Variants in DNAJC16 observed in about 807,000 individuals in gnomAD.
The protein encoded by DNAJC16 is DnaJ heat shock protein family (Hsp40) member C16.
DNAJC16 carries 76 observed loss-of-function variants against 92.7 expected under a neutral mutation model. That is an observed-to-expected ratio of 0.82 (90% CI 0.68 to 0.99). The LOEUF (loss-of-function observed/expected upper bound fraction) is 0.99. Among genes scored for constraint, DNAJC16 ranks in the 50% least tolerant of loss-of-function variants. The pLI is 0.00. For synonymous variants in DNAJC16, 328 were observed against 358.7 expected (o/e 0.91, Z 0.97); for missense variants, 869 against 942.4 (o/e 0.92, Z 1.02).
Position 15,559,641 on chromosome 1 carries a change from C to G in DNAJC16, c.1139C>G (p.Ser380Trp), listed in dbSNP as rs779040358. ...CATGAACTCTGCCCTGTGAAACGGT[C>G]GCATCGACAGAGGAAGTAAGGACTT... is the stretch of plus-strand genomic sequence containing the variant. ...LFHELCPVKRSHRQRKYCVVL... is the reference protein window; with the variant it reads ...LFHELCPVKRWHRQRKYCVVL... Residue 380 changes from serine to tryptophan, a missense_variant, in exon 8 of 15, where the codon TCG becomes TGG. Coordinates refer to ENST00000375847, the MANE Select transcript of DNAJC16 (RefSeq NM_015291.4). The G allele has an allele frequency of 1.2e-6, 2 of 1,613,950 alleles. No individual in the cohort carries two copies. Among genetic ancestry groups the G allele is most frequent in the East Asian group, 4.5e-5 (2 of 44,878 alleles).
In DNAJC16 at chr1:15,568,248, C is replaced by T; in HGVS notation, c.*71C>T. Reference sequence around the variant, plus strand: ...CCCCTGTGAACAGGTATTTTCAGGACTCAAACTACCACAATGAACAGAGTA... The same window carrying T: ...CCCCTGTGAACAGGTATTTTCAGGATTCAAACTACCACAATGAACAGAGTA... On this transcript the variant is annotated 3_prime_UTR_variant, in exon 15 of 15. Coordinates refer to ENST00000375847, the MANE Select transcript of DNAJC16 (RefSeq NM_015291.4). 1.6e-6 allele frequency: 2 copies of T among 1,240,492 alleles called. No individual in the cohort carries two copies. The highest frequency in any genetic ancestry group is 2.3e-6 in the Non-Finnish European group (2 of 881,732). The allele number at this position is 1,240,492 out of a possible 1,614,324, so 76.8% of individuals were successfully genotyped here. A position where few individuals can be genotyped will look rare whatever the true frequency, so the allele number is the denominator to read the frequency against.
intron 9 of DNAJC16, among the ~76,000 whole-genome samples, chr1:15,563,255 G>A (rs528647664): frequency 6.6e-5 from 10 of 152,150 alleles, no homozygotes; most frequent in East Asian, 5.8e-4. Context: ...TAGGCCGAAC[G>A]CGGTGGCTCA....
In DNAJC16 at chr1:15,567,217, A is replaced by G. The variant is rs150076087; in HGVS notation, c.1897A>G (p.Thr633Ala). The G allele has an allele frequency of 1.9e-6, 3 of 1,614,182 alleles. No homozygotes were observed. The highest frequency in any genetic ancestry group is 1.7e-5 in the Admixed American group (1 of 60,016). ...TGTGGTCCTCATCCTGTCGAATTCT[A>G]CCAAGACCAGCCTACTACAGAAATT... ...MNVVLILSNSTKTSLLQKFAL... is the reference protein window; with the variant it reads ...MNVVLILSNSAKTSLLQKFAL... Residue 633 changes from threonine to alanine, a missense_variant, in exon 14 of 15, where the codon ACC (threonine) becomes GCC (alanine). Physicochemically the swap from Thr to Ala is moderately conservative, Grantham distance 58 (BLOSUM62 0). Transcript: ENST00000375847.
At position 15,536,807 on chromosome 1, in the gene DNAJC16, A is replaced by G. The variant is rs1047137176; in HGVS notation, c.567A>G (p.Glu189=). The change falls in exon 4 of 15, where the codon GAA becomes GAG. Residue 189 remains glutamate (E), a synonymous_variant. Coordinates refer to ENST00000375847, the MANE Select transcript of DNAJC16 (RefSeq NM_015291.4). ...GGAAAGAAGTCATTCAAGAACTGGA[A>G]GAATTGGGTAAGATAATTTTATTCA... ...PVWKEVIQEL[E]ELGVGIGVVH... is the part of the protein sequence containing the mutation. 3.1e-6 allele frequency: 5 copies of G among 1,592,730 alleles called. No individual in the cohort carries two copies. In the African/African-American group the frequency reaches 6.8e-5, roughly 22 times the overall value.
At chr1:15,538,729 A>G (rs944295514) in intron 4 of DNAJC16, among the ~76,000 whole-genome samples, 2 of 152,342 alleles carry the variant, frequency 1.3e-5, no homozygotes, top group Middle Eastern at 3.4e-3. Flanking sequence ...AAAACAAAAA[A>G]AAGACTAATT....
At chr1:15,533,701 C>G (rs556224970) in intron 2 of DNAJC16, among the ~76,000 whole-genome samples, 1 of 152,066 alleles carries the variant, frequency 6.6e-6, no homozygotes, top group Non-Finnish European at 1.5e-5. Context: ...GTAATAATAA[C>G]GAAAAATGTT....
At chr1:15,549,586 G>A (rs964115065) in intron 7 of DNAJC16, among the ~76,000 whole-genome samples, 7 of 151,770 alleles carry the variant, frequency 4.6e-5, no homozygotes, top group African/African-American at 1.7e-4. Flanking sequence ...AGGCCGAGGC[G>A]GGCAGATCAC....
chr1:15,541,802 G>T (rs1044952609), intron 4 of DNAJC16, among the ~76,000 whole-genome samples: 3 of 152,164 alleles, frequency 2.0e-5, no homozygotes, highest in South Asian at 2.1e-4. Context: ...TTTATAATAA[G>T]AAATATATGT....
rs570554511 is a variant in DNAJC16 at position 15,543,141 on chromosome 1, T to A, written c.575-1258T>A. The stretch of plus-strand genomic sequence containing the variant: ...AAGGGATCCCTATCTTCATGAGGCT[T>A]ACATTCTAGAAGGGGAGACAGACAA... On this transcript the variant is annotated intron_variant, in intron 4 of 14. Coordinates refer to ENST00000375847, the MANE Select transcript of DNAJC16 (RefSeq NM_015291.4). Among the ~76,000 whole-genome samples the A allele has an allele frequency of 2.0e-5, 3 of 152,306 alleles. No individual in the cohort carries two copies. The South Asian group carries it at 6.2e-4, about 32-fold the overall frequency.
chr1:15,536,914 G>C (rs1710804566), intron 4 of DNAJC16, 100 bp downstream of exon 4: 1 of 1,065,524 alleles, frequency 9.4e-7, no homozygotes, highest in African/African-American at 1.6e-5. Context: ...ACAGTGGTGT[G>C]ATCTCGGCTC....
At chr1:15,555,681 C>CAAA (rs937939468) in intron 7 of DNAJC16, among the ~76,000 whole-genome samples, 1 of 51,582 alleles carries the variant, frequency 1.9e-5, no homozygotes, top group African/African-American at 7.3e-5. Flanking sequence ...GACTCCGTCT[C>CAAA]AAAAAAAAAA....
chr1:15,564,717 T>A (rs1638770763), intron 11 of DNAJC16, among the ~76,000 whole-genome samples: 1 of 151,036 alleles, frequency 6.6e-6, no homozygotes, highest in Non-Finnish European at 1.5e-5. Flanking sequence ...TTAGTAGAGA[T>A]AGGGTTTCAC....
At chr1:15,547,825 C>T (rs1009866390) in intron 6 of DNAJC16, among the ~76,000 whole-genome samples, 10 of 152,100 alleles carry the variant, frequency 6.6e-5, no homozygotes, top group African/African-American at 2.2e-4. Flanking sequence ...GCATGGTGAG[C>T]GCGATTCCCA....
In DNAJC16 at chr1:15,546,918, T is replaced by TTCTTTTC; in HGVS notation, c.864+48_864+49insCTTTTCT. 12 of 613,212 alleles carry TTCTTTTC rather than the reference T, an allele frequency of 2.0e-5. No homozygotes were observed. In the African/African-American group the frequency reaches 2.7e-4, roughly 14 times the overall value. The allele number at this position is 613,212 out of a possible 1,614,324, so 38.0% of individuals were successfully genotyped here. Reference sequence around the variant, plus strand: ...TGGTTTCTTTTTCTTTTCTTTTCTTTTTTTTTTTTTTTTTTTAGCAGAAAG... The same window carrying TTCTTTTC: ...TGGTTTCTTTTTCTTTTCTTTTCTTTTCTTTTCTTTTTTTTTTTTTTTTAGCAGAAAG... On this transcript the variant is annotated intron_variant, in intron 6 of 14. Coordinates refer to ENST00000375847, the MANE Select transcript of DNAJC16 (RefSeq NM_015291.4).
chr1:15,552,539 T>C (rs57440988), intron 7 of DNAJC16, among the ~76,000 whole-genome samples: 43,804 of 151,770 alleles, frequency 0.29, 7,445 homozygotes, highest in African/African-American at 0.47. Context: ...ATTCACATAC[T>C]CTGCATTCAG....
chr1:15,545,689 CT>C (rs1476267347), intron 5 of DNAJC16, among the ~76,000 whole-genome samples: 5 of 152,188 alleles, frequency 3.3e-5, no homozygotes, highest in Admixed American at 6.5e-5. Context: ...AGGAATCTCC[CT>C]GTGAGGGCCT....
intron 5 of DNAJC16, among the ~76,000 whole-genome samples, chr1:15,546,485 T>G (rs1380373005): frequency 3.3e-5 from 5 of 152,228 alleles, no homozygotes; most frequent in African/African-American, 1.2e-4. Flanking sequence ...ACTCTGTAAT[T>G]AAGCAAGAAC....
intron 5 of DNAJC16, among the ~76,000 whole-genome samples, chr1:15,545,250 T>C (rs1430641962): frequency 6.6e-6 from 1 of 152,200 alleles, no homozygotes; most frequent in African/African-American, 2.4e-5. Context: ...TTCATTCTCT[T>C]AAGAATACAG....
intron 13 of DNAJC16, 71 bp from the exon 14 acceptor site, chr1:15,567,028 C>T: frequency 2.1e-6 from 3 of 1,421,470 alleles, no homozygotes; most frequent in Middle Eastern, 1.9e-4. Flanking sequence ...TTTCTTTCAG[C>T]TGTTTCTTTT....
Sources: gnomAD v4.1 joint callset for allele counts (sites outside exome capture counted in the v4.1 genomes callset) on GRCh38, gnomAD v4.1.1 for gene constraint, MANE v1.5 for transcripts, NCBI Gene and HGNC (gene_info 2026-07-23, HGNC 2026-07-21) for gene names.